ACTN4: variants seen among roughly 807,000 people sequenced by gnomAD.
The protein encoded by ACTN4 is actinin alpha 4.
Under a neutral mutation model 114.2 loss-of-function variants are expected in ACTN4, and 18 were observed. The ratio of observed to expected loss-of-function variants is 0.16; its 90% confidence interval spans 0.11 to 0.23. The LOEUF is 0.23. Ranked by LOEUF, ACTN4 falls within the 10% of genes least tolerant of loss-of-function variation. The pLI, the probability that ACTN4 is intolerant of heterozygous loss-of-function variation, is 1.00. For missense variants in ACTN4, 722 were observed against 1,262.9 expected (o/e 0.57, Z 6.49); for synonymous variants, 515 against 506.3 (o/e 1.02, Z -0.23).
At chr19:38,671,223 A>G (rs1377536187) in intron 1 of ACTN4, among the ~76,000 whole-genome samples, 1 of 152,204 alleles carries the variant, frequency 6.6e-6, no homozygotes, top group East Asian at 1.9e-4. Context: ...ATCACCATAG[A>G]TAATTAAGAG....
rs779673842 is a variant in ACTN4 at position 38,729,164 on chromosome 19, A to AC, written c.2577+14dup. On this transcript the variant is annotated intron_variant, in intron 20 of 20. Coordinates refer to ENST00000252699, the MANE Select transcript of ACTN4 (RefSeq NM_004924.6). ...CTTAGCAGGGGACAAGGTGAGCGAG[A>AC]CCCCTACGAGGTGCATGGGGGCTGG... 1 of 1,612,322 alleles carries AC rather than the reference A, an allele frequency of 6.2e-7. No individual in the cohort carries two copies. The highest frequency in any genetic ancestry group is 8.5e-7 in the Non-Finnish European group (1 of 1,179,874).
In ACTN4 at chr19:38,700,760, C is replaced by T. The variant is rs773051561; in HGVS notation, c.277+46C>T. 3.9e-6 allele frequency: 6 copies of T among 1,554,900 alleles called. No individual in the cohort carries two copies. In the African/African-American group the frequency reaches 6.8e-5, roughly 18 times the overall value. On this transcript the variant is annotated intron_variant, in intron 2 of 20. Coordinates refer to ENST00000252699, the MANE Select transcript of ACTN4 (RefSeq NM_004924.6). The stretch of plus-strand genomic sequence containing the variant: ...GTGCGGCCGAGCCCTGGCACAGGTG[C>T]TCTGCCACAGCGGTCCCCAGAGACC...
chr19:38,700,630 C>T lies in ACTN4; in HGVS notation c.193C>T (p.Arg65Trp). ...TFTAWCNSHL[R>W]KAGTQIENID... is the part of the protein sequence containing the mutation. Reference sequence around the variant, plus strand: ...CACGGCATGGTGCAACTCCCACCTGCGGAAGGCAGGCACACAGATCGAGAA... The same window carrying T: ...CACGGCATGGTGCAACTCCCACCTGTGGAAGGCAGGCACACAGATCGAGAA... The change falls in exon 2 of 21, where the codon CGG becomes TGG. Residue 65 changes from arginine (R) to tryptophan (W), a missense_variant. Coordinates refer to ENST00000252699, the MANE Select transcript of ACTN4 (RefSeq NM_004924.6). 2 of 1,614,188 alleles carry T rather than the reference C, an allele frequency of 1.2e-6. No homozygotes were observed. Among genetic ancestry groups the T allele is most frequent in the Non-Finnish European group, 1.7e-6 (2 of 1,180,036 alleles).
chr19:38,719,311 G>T (rs1182693593), intron 11 of ACTN4, among the ~76,000 whole-genome samples: 1 of 152,222 alleles, frequency 6.6e-6, no homozygotes, highest in Non-Finnish European at 1.5e-5. Flanking sequence ...GCCCAGCTGA[G>T]CCCTTCCTTG....
chr19:38,715,752 A>C (rs183646582), intron 9 of ACTN4, among the ~76,000 whole-genome samples: 1 of 152,342 alleles, frequency 6.6e-6, no homozygotes, highest in Admixed American at 6.5e-5. Context: ...AGCCATTGCC[A>C]AGAAAGGGCA....
chr19:38,729,971 ACC>A lies in ACTN4; in HGVS notation c.*542_*543del. 3.2e-6 allele frequency: 1 copy of A among 309,762 alleles called. No individual in the cohort carries two copies. The highest frequency in any genetic ancestry group is 1.2e-3 in the Middle Eastern group (1 of 838). 19.2% of individuals were successfully genotyped at this position (309,762 alleles called of 1,614,324 possible). ...TTGCCAGGAGATGGCCCCAACAAGCACCCCGCTTTTGCAGCAGAGGAGCTGAG... is the reference window on the plus strand; with the variant it reads ...TTGCCAGGAGATGGCCCCAACAAGCACCGCTTTTGCAGCAGAGGAGCTGAG... On this transcript the variant is annotated 3_prime_UTR_variant, in exon 21 of 21. Coordinates refer to ENST00000252699, the MANE Select transcript of ACTN4 (RefSeq NM_004924.6).
chr19:38,689,079 T>C (rs1024619244), intron 1 of ACTN4, among the ~76,000 whole-genome samples: 27 of 152,128 alleles, frequency 1.8e-4, no homozygotes, highest in Non-Finnish European at 1.9e-4. Context: ...ATTTTACTCC[T>C]AGGTATATGC....
At chr19:38,668,870 C>T (rs1302779515) in intron 1 of ACTN4, among the ~76,000 whole-genome samples, 1 of 152,034 alleles carries the variant, frequency 6.6e-6, no homozygotes, top group East Asian at 1.9e-4. Context: ...CTGTGTGTCT[C>T]GGAGCTCAGG....
At chr19:38,702,337 G>C (rs560018010) in intron 3 of ACTN4, among the ~76,000 whole-genome samples, 1 of 152,204 alleles carries the variant, frequency 6.6e-6, no homozygotes, top group Non-Finnish European at 1.5e-5. Flanking sequence ...GGGGCTCAAG[G>C]CACCTGAGAA....
At chr19:38,655,620 A>G (rs1016145906) in intron 1 of ACTN4, among the ~76,000 whole-genome samples, 1 of 152,172 alleles carries the variant, frequency 6.6e-6, no homozygotes, top group Admixed American at 6.5e-5. Flanking sequence ...AGACTCGAAC[A>G]TATGGCTCAT....
In ACTN4 at chr19:38,728,494, C is replaced by T. The variant is rs543040660; in HGVS notation, c.2418+468C>T. The T allele has an allele frequency of 6.4e-4, 481 of 757,222 alleles. 4 individuals carry two copies. In the African/African-American group the frequency reaches 7.3e-3, roughly 11 times the overall value. 46.9% of individuals were successfully genotyped at this position (757,222 alleles called of 1,614,324 possible). On this transcript the variant is annotated intron_variant, in intron 19 of 20. Coordinates refer to ENST00000252699, the MANE Select transcript of ACTN4 (RefSeq NM_004924.6). ...ACCGCCTCCAGAGCTTCCTCGTCCT[C>T]GGGGACACTCCTCCGCCCGAGCAGC...
chr19:38,684,459 C>T (rs1187775361), intron 1 of ACTN4, among the ~76,000 whole-genome samples: 1 of 152,176 alleles, frequency 6.6e-6, no homozygotes, highest in Non-Finnish European at 1.5e-5. Flanking sequence ...CAGGACAAAC[C>T]ACTCCTCCCT....
intron 1 of ACTN4, among the ~76,000 whole-genome samples, chr19:38,677,228 A>G (rs1967407829): frequency 6.6e-6 from 1 of 152,002 alleles, no homozygotes. Flanking sequence ...AACTCCAACC[A>G]TCCTTGGCTC....
At chr19:38,665,347 A>G (rs1966923919) in intron 1 of ACTN4, among the ~76,000 whole-genome samples, 1 of 152,160 alleles carries the variant, frequency 6.6e-6, no homozygotes, top group African/African-American at 2.4e-5. Context: ...GCATCATCCT[A>G]TCCTCAGTTT....
intron 1 of ACTN4, among the ~76,000 whole-genome samples, chr19:38,692,681 G>C (rs1368313441): frequency 6.6e-6 from 1 of 152,208 alleles, no homozygotes; most frequent in African/African-American, 2.4e-5. Context: ...GCTAGGCCTT[G>C]CCTGAGGTCT....
chr19:38,664,869 A>G (rs1017860877), intron 1 of ACTN4, among the ~76,000 whole-genome samples: 1 of 152,126 alleles, frequency 6.6e-6, no homozygotes, highest in African/African-American at 2.4e-5. Context: ...CTTGTATTTG[A>G]GGCATGTATT....
At chr19:38,720,189 A>C (rs1448432607) in intron 11 of ACTN4, among the ~76,000 whole-genome samples, 1 of 152,052 alleles carries the variant, frequency 6.6e-6, no homozygotes, top group Non-Finnish European at 1.5e-5. Context: ...ACCATCCCCC[A>C]CAGCCCGCAG....
chr19:38,651,114 G>T (rs1459855564), intron 1 of ACTN4, among the ~76,000 whole-genome samples: 4 of 152,154 alleles, frequency 2.6e-5, no homozygotes, highest in Admixed American at 6.6e-5. Context: ...TGAGCCACTG[G>T]GCACGGGAAG....
chr19:38,673,459 A>T (rs549782157), intron 1 of ACTN4, among the ~76,000 whole-genome samples: 3 of 78,852 alleles, frequency 3.8e-5, no homozygotes, highest in Non-Finnish European at 8.3e-5. Context: ...ATATATTCAT[A>T]TATATTTATA....
Sources: allele counts gnomAD v4.1 joint callset (sites outside exome capture counted in the v4.1 genomes callset), GRCh38; gene constraint gnomAD v4.1.1; transcripts MANE v1.5; gene names NCBI Gene and HGNC (gene_info 2026-07-23, HGNC 2026-07-21).